The following CSMD1 variants were observed in gnomAD, a reference collection of about 807,000 sequenced individuals.
The protein encoded by CSMD1 is CUB and Sushi multiple domains 1.
Under a neutral mutation model 417.5 loss-of-function variants are expected in CSMD1, and 213 were observed. The observed-to-expected ratio is 0.51, with a 90% CI of 0.46 to 0.57. The LOEUF is 0.57. Among genes scored for constraint, CSMD1 ranks in the 20% least tolerant of loss-of-function variants. CSMD1 has a pLI of 0.00. For missense variants in CSMD1, 6,923 were observed against 4,529.7 expected, an observed-to-expected ratio of 1.53 and a Z score of -15.17; for synonymous variants, 2,862 against 1,736.8, an observed-to-expected ratio of 1.65 and a Z score of -16.11.
intron 37 of CSMD1, among the ~76,000 whole-genome samples, chr8:3,164,231 G>C (rs866742912): frequency 1.3e-5 from 2 of 152,304 alleles, no homozygotes; most frequent in East Asian, 3.9e-4. Context: ...AGTAATGTCA[G>C]GCCACAGAAC....
intron 7 of CSMD1, among the ~76,000 whole-genome samples, chr8:3,641,024 CTTTTTTTTTTTTTTT>C (rs34851559): frequency 9.7e-6 from 1 of 102,718 alleles, no homozygotes; most frequent in African/African-American, 3.9e-5. Flanking sequence ...TCCTTTTTTC[CTTTTTTTTTTTTTTT>C]TTTTTTTTGT....
chr8:4,326,740 A>G (rs1346150615), intron 3 of CSMD1, among the ~76,000 whole-genome samples: 1 of 152,218 alleles, frequency 6.6e-6, no homozygotes, highest in Non-Finnish European at 1.5e-5. Flanking sequence ...TTGATGGAAT[A>G]GTAATGCCCA....
At chr8:4,225,675 C>T (rs891049563) in intron 3 of CSMD1, among the ~76,000 whole-genome samples, 1 of 152,010 alleles carries the variant, frequency 6.6e-6, no homozygotes, top group East Asian at 1.9e-4. Flanking sequence ...GTGGTGATGC[C>T]TTAGGAAACT....
At chr8:4,289,790 G>C (rs1797260941) in intron 3 of CSMD1, among the ~76,000 whole-genome samples, 2 of 152,250 alleles carry the variant, frequency 1.3e-5, no homozygotes, top group Admixed American at 6.5e-5. Context: ...TTAAAAGGAG[G>C]TATCCACCTT....
At chr8:3,651,053 A>C (rs976728389) in intron 7 of CSMD1, among the ~76,000 whole-genome samples, 1 of 152,186 alleles carries the variant, frequency 6.6e-6, no homozygotes, top group Non-Finnish European at 1.5e-5. Context: ...ACCCACCAGA[A>C]TATCCCATGA....
intron 12 of CSMD1, among the ~76,000 whole-genome samples, chr8:3,435,188 G>C (rs1020199630): frequency 1.3e-5 from 2 of 152,170 alleles, no homozygotes; most frequent in Non-Finnish European, 2.9e-5. Context: ...GGGCAAAAAA[G>C]CCCCTTGATA....
rs558637731 is a variant in CSMD1, at chr8:3,574,956, C to G, written c.1333G>C (p.Asp445His). Reference protein sequence around the residue: ...AHCVWVITTTDPDKVIKLAFE... With the variant: ...AHCVWVITTTHPDKVIKLAFE... ...AGGCGGAGCCTTACCTTGTCCGGGTCGGTGGTGGTGATGACCCACACACAG... is the reference window on the plus strand; with the variant it reads ...AGGCGGAGCCTTACCTTGTCCGGGTGGGTGGTGGTGATGACCCACACACAG... The change falls in exon 10 of 70, where the codon GAC becomes CAC. Residue 445 changes from aspartate to histidine, a missense_variant. Physicochemically the swap from Asp to His is moderately conservative, Grantham distance 81. Coordinates refer to ENST00000635120, the MANE Select transcript of CSMD1 (RefSeq NM_033225.6). The G allele has an allele frequency of 2.0e-5, 33 of 1,612,204 alleles. No individual in the cohort carries two copies. In the East Asian group the frequency reaches 6.9e-4, roughly 34 times the overall value.
intron 2 of CSMD1, among the ~76,000 whole-genome samples, chr8:4,612,013 A>C (rs145243423): frequency 1.3e-3 from 197 of 152,254 alleles, no homozygotes; most frequent in African/African-American, 4.6e-3. Flanking sequence ...TCAAATTTTA[A>C]CCATCTAATT....
At chr8:4,346,506 T>A (rs555553181) in intron 3 of CSMD1, among the ~76,000 whole-genome samples, 2 of 152,270 alleles carry the variant, frequency 1.3e-5, no homozygotes, top group South Asian at 4.1e-4. Context: ...ATGACATTAT[T>A]GTCTAAACTG....
At chr8:3,442,643 A>G (rs1437880818) in intron 12 of CSMD1, among the ~76,000 whole-genome samples, 1 of 148,648 alleles carries the variant, frequency 6.7e-6, no homozygotes, top group Non-Finnish European at 1.5e-5. Context: ...GCACTCCACG[A>G]TGTTTGCATA....
chr8:3,289,531 G>A (rs1158023982), intron 25 of CSMD1, among the ~76,000 whole-genome samples: 1 of 147,482 alleles, frequency 6.8e-6, no homozygotes, highest in East Asian at 2.0e-4. Flanking sequence ...ACTGGTGTGA[G>A]ATGGTATCTC....
In CSMD1 at chr8:4,806,295, C is replaced by A. The variant is rs777412902; in HGVS notation, c.86-168737G>T. 8.5e-5 allele frequency among the ~76,000 whole-genome samples: 13 copies of A among 152,150 alleles called. No individual in the cohort carries two copies. In the East Asian group the frequency reaches 1.9e-3, roughly 23 times the overall value. On this transcript the variant is annotated intron_variant, in intron 1 of 69. Coordinates refer to ENST00000635120, the MANE Select transcript of CSMD1 (RefSeq NM_033225.6). The stretch of plus-strand genomic sequence containing the variant: ...GACCTGACCCAAGTCCCGCTACACC[C>A]TAGGAAGGTGGCCTAGTTCCACCCT...
chr8:4,655,137 C>T (rs1183652638), intron 1 of CSMD1, among the ~76,000 whole-genome samples: 3 of 151,800 alleles, frequency 2.0e-5, no homozygotes, highest in African/African-American at 4.8e-5. Context: ...CTTACTAAGA[C>T]AGTTTTGATT....
At chr8:4,721,488 G>T (rs118121567) in intron 1 of CSMD1, among the ~76,000 whole-genome samples, 1,851 of 152,180 alleles carry the variant, frequency 0.012, 18 homozygotes, top group Non-Finnish European at 0.021. Flanking sequence ...TATCACCAGG[G>T]ATATACAAAT....
chr8:4,443,153 CCTT>C (rs1313081668), intron 2 of CSMD1, among the ~76,000 whole-genome samples: 1 of 152,102 alleles, frequency 6.6e-6, no homozygotes, highest in African/African-American at 2.4e-5. Flanking sequence ...TCTTATTCCT[CCTT>C]TTAAATGGTA....
At chr8:4,739,810 C>G (rs990542427) in intron 1 of CSMD1, among the ~76,000 whole-genome samples, 1 of 152,160 alleles carries the variant, frequency 6.6e-6, no homozygotes, top group Non-Finnish European at 1.5e-5. Context: ...CTGCAACAGC[C>G]TCCTTTGTGA....
chr8:4,142,228 G>C (rs991986292), intron 3 of CSMD1, among the ~76,000 whole-genome samples: 2 of 151,060 alleles, frequency 1.3e-5, no homozygotes, highest in Admixed American at 6.6e-5. Context: ...CCAAATTATA[G>C]TGATACTTAA....
At chr8:4,475,246 T>C (rs1800737141) in intron 2 of CSMD1, among the ~76,000 whole-genome samples, 1 of 152,162 alleles carries the variant, frequency 6.6e-6, no homozygotes. Flanking sequence ...ATCTATTTCC[T>C]CCCTCCCTCT....
Position 3,292,955 on chromosome 8 carries a change from T to C in CSMD1, c.3951-8609A>G, listed in dbSNP as rs200819243. Reference sequence around the variant, plus strand: ...TTTACATTTTGGCATGATTTTGCAGTGGCTGGTACCGGTTGTTCCTTTCCA... The same window carrying C: ...TTTACATTTTGGCATGATTTTGCAGCGGCTGGTACCGGTTGTTCCTTTCCA... On this transcript the variant is annotated intron_variant, in intron 25 of 69. Transcript: ENST00000635120. Among the ~76,000 whole-genome samples, 37 of 152,026 alleles carry C rather than the reference T, an allele frequency of 2.4e-4. 1 individual carries two copies. Among genetic ancestry groups the C allele is most frequent in the African/African-American group, 4.8e-4 (20 of 41,384 alleles).
Sources: allele counts gnomAD v4.1 joint callset (sites outside exome capture counted in the v4.1 genomes callset), GRCh38; gene constraint gnomAD v4.1.1; transcripts MANE v1.5; gene names NCBI Gene and HGNC (gene_info 2026-07-23, HGNC 2026-07-21).